COLGALT2: variants seen among roughly 807,000 people sequenced by gnomAD.
COLGALT2 encodes the protein collagen beta(1-O)galactosyltransferase 2.
COLGALT2 carries 49 observed loss-of-function variants against 73.4 expected under a neutral mutation model. That is an observed-to-expected ratio of 0.67 (90% confidence interval 0.53 to 0.85). The LOEUF (loss-of-function observed/expected upper bound fraction) is 0.85. Ranked by LOEUF, COLGALT2 falls within the 40% of genes least tolerant of loss-of-function variation. The pLI is 0.00. For synonymous variants in COLGALT2, 295 were observed against 307.6 expected (o/e 0.96, Z 0.43); for missense variants, 722 against 790.2 (o/e 0.91, Z 1.03).
At chr1:183,972,153 T>C (rs1388027864) in intron 4 of COLGALT2, among the ~76,000 whole-genome samples, 1 of 152,224 alleles carries the variant, frequency 6.6e-6, no homozygotes, top group African/African-American at 2.4e-5. Context: ...TTGCTTAGGC[T>C]GCAGTGCAGT....
chr1:184,010,392 C>A (rs1672203364), intron 1 of COLGALT2, among the ~76,000 whole-genome samples: 1 of 152,198 alleles, frequency 6.6e-6, no homozygotes, highest in African/African-American at 2.4e-5. Flanking sequence ...CAGGTATTTA[C>A]CAACTGTGTC....
At chr1:183,976,019 T>A (rs989202476) in intron 2 of COLGALT2, among the ~76,000 whole-genome samples, 1 of 152,216 alleles carries the variant, frequency 6.6e-6, no homozygotes, top group Non-Finnish European at 1.5e-5. Flanking sequence ...AGCACAGGAA[T>A]TCTCTGGAAT....
intron 1 of COLGALT2, among the ~76,000 whole-genome samples, chr1:183,993,813 C>T (rs1671695372): frequency 6.6e-6 from 1 of 151,390 alleles, no homozygotes; most frequent in African/African-American, 2.4e-5. Flanking sequence ...TATTTTCATT[C>T]CCACATCCTG....
intron 2 of COLGALT2, among the ~76,000 whole-genome samples, chr1:183,975,762 C>G (rs989644505): frequency 6.6e-6 from 1 of 152,180 alleles, no homozygotes; most frequent in Admixed American, 6.5e-5. Flanking sequence ...GGATCTCTAT[C>G]AAGATTCACA....
At chr1:184,006,990 A>G (rs553539025) in intron 1 of COLGALT2, among the ~76,000 whole-genome samples, 64 of 152,338 alleles carry the variant, frequency 4.2e-4, no homozygotes, top group South Asian at 2.7e-3. Flanking sequence ...AACAACTACT[A>G]TCCCTCAAGA....
chr1:183,977,905 T>C (rs1183840361), intron 2 of COLGALT2, among the ~76,000 whole-genome samples: 1 of 151,990 alleles, frequency 6.6e-6, no homozygotes, highest in East Asian at 1.9e-4. Flanking sequence ...GGAATTTCTA[T>C]GGTTAAGATA....
At chr1:184,035,220 C>T (rs1649635743) in intron 1 of COLGALT2, among the ~76,000 whole-genome samples, 1 of 152,162 alleles carries the variant, frequency 6.6e-6, no homozygotes, top group African/African-American at 2.4e-5. Flanking sequence ...AATTATATTG[C>T]AAAATCTATG....
chr1:183,945,428 T>C lies in COLGALT2; in HGVS notation c.1269+4A>G. ...AACTGCAATCTGAATAAAGCATTAT[T>C]TACCTCTTTCCAGACTGAGTAGTGG... is the stretch of plus-strand genomic sequence containing the variant. On this transcript the variant is annotated splice_donor_region_variant and intron_variant, in intron 9 of 11. Coordinates refer to ENST00000361927, the MANE Select transcript of COLGALT2 (RefSeq NM_015101.4). 1 of 1,613,730 alleles carries C rather than the reference T, an allele frequency of 6.2e-7. No individual in the cohort carries two copies. The highest frequency in any genetic ancestry group is 8.5e-7 in the Non-Finnish European group (1 of 1,179,938).
chr1:184,000,823 C>T (rs1671899031), intron 1 of COLGALT2, among the ~76,000 whole-genome samples: 1 of 149,354 alleles, frequency 6.7e-6, no homozygotes, highest in Admixed American at 6.7e-5. Flanking sequence ...TTTCAGCCCC[C>T]CATTTTTTTT....
At chr1:183,963,211 G>C (rs1404030071) in intron 6 of COLGALT2, among the ~76,000 whole-genome samples, 1 of 152,190 alleles carries the variant, frequency 6.6e-6, no homozygotes, top group East Asian at 1.9e-4. Flanking sequence ...GAACTTTGGA[G>C]ATAGCAAGAT....
rs1333935136 is a variant in COLGALT2 at position 183,938,791 on chromosome 1, C to T, written c.1851G>A (p.Leu617=). The change falls in exon 12 of 12, where the codon CTG becomes CTA. Residue 617 remains leucine (L), a synonymous_variant. Coordinates refer to ENST00000361927, the MANE Select transcript of COLGALT2 (RefSeq NM_015101.4). ...GCTCATCCCTTGAAGGCACAGTGTC[C>T]AGGGAGGTTGGCGGTGGCAGGGCCT... is the stretch of plus-strand genomic sequence containing the variant. ...NTEALPPPTS[L]DTVPSRDEL 8.1e-6 allele frequency: 13 copies of T among 1,614,044 alleles called. No individual in the cohort carries two copies. The highest frequency in any genetic ancestry group is 1.3e-5 in the African/African-American group (1 of 74,916).
intron 1 of COLGALT2, among the ~76,000 whole-genome samples, chr1:184,007,391 T>C (rs1360443051): frequency 6.6e-6 from 1 of 152,188 alleles, no homozygotes; most frequent in Admixed American, 6.5e-5. Flanking sequence ...AGATAAAAAT[T>C]CTAAGTGATA....
intron 6 of COLGALT2, among the ~76,000 whole-genome samples, chr1:183,958,574 A>G (rs1227872415): frequency 6.6e-6 from 1 of 151,864 alleles, no homozygotes; most frequent in East Asian, 1.9e-4. Context: ...ACTGGCCTAT[A>G]TACTTCAGAA....
intron 4 of COLGALT2, among the ~76,000 whole-genome samples, chr1:183,972,403 T>C (rs1338775673): frequency 3.3e-5 from 5 of 152,204 alleles, no homozygotes; most frequent in Non-Finnish European, 5.9e-5. Context: ...ACACTGCTCC[T>C]GGCCAACATA....
At chr1:183,976,925 C>A (rs543538190) in intron 2 of COLGALT2, among the ~76,000 whole-genome samples, 4 of 152,268 alleles carry the variant, frequency 2.6e-5, no homozygotes, top group African/African-American at 9.6e-5. Flanking sequence ...AGGAAAGGGT[C>A]TTCCAGGACC....
chr1:183,939,196 T>C (rs187605306), intron 11 of COLGALT2, among the ~76,000 whole-genome samples, 159 bp from the exon 12 acceptor site: 12 of 152,302 alleles, frequency 7.9e-5, no homozygotes, highest in African/African-American at 2.4e-4. Context: ...CACAAATATT[T>C]CTTTAAAAGC....
chr1:184,035,852 C>T (rs551713803), intron 1 of COLGALT2, among the ~76,000 whole-genome samples: 1 of 152,218 alleles, frequency 6.6e-6, no homozygotes, highest in Non-Finnish European at 1.5e-5. Context: ...CCCTTCTCCG[C>T]CAGGCGGTCA....
chr1:183,996,911 A>C (rs537349736), intron 1 of COLGALT2, among the ~76,000 whole-genome samples: 1 of 152,354 alleles, frequency 6.6e-6, no homozygotes, highest in Non-Finnish European at 1.5e-5. Flanking sequence ...AGGCTTTTTT[A>C]CATTTTTGAG....
intron 1 of COLGALT2, among the ~76,000 whole-genome samples, chr1:184,035,173 A>G (rs895640615): frequency 1.3e-5 from 2 of 152,230 alleles, no homozygotes; most frequent in African/African-American, 4.8e-5. Context: ...TGGAACTTAC[A>G]GGGAACTTAG....
Sources: allele counts gnomAD v4.1 joint callset (sites outside exome capture counted in the v4.1 genomes callset), GRCh38; gene constraint gnomAD v4.1.1; transcripts MANE v1.5; gene names NCBI Gene and HGNC (gene_info 2026-07-23, HGNC 2026-07-21).